EDA: variants seen among roughly 807,000 people sequenced by gnomAD.
The protein encoded by EDA is ectodysplasin A, also known as ectodysplasin-A.
EDA carries 2 observed loss-of-function variants against 23.6 expected under a neutral mutation model. The ratio of observed to expected loss-of-function variants is 0.08; its 90% CI spans 0.03 to 0.27. EDA has a LOEUF of 0.27. EDA is among the 10% of genes least tolerant of loss of function. The pLI is 1.00. For missense variants in EDA, 229 were observed against 324.2 expected, an observed-to-expected ratio of 0.71 and a Z score of 2.26; for synonymous variants, 131 against 132.0, an observed-to-expected ratio of 0.99 and a Z score of 0.05.
chrX:69,730,340 G>A (rs1187744418), intron 1 of EDA, among the ~76,000 whole-genome samples: 1 of 101,178 alleles, frequency 9.9e-6, no homozygotes, highest in African/African-American at 3.6e-5. Flanking sequence ...ACCTTGACAA[G>A]GCTTCTCAAA....
chrX:69,972,127 A>G (rs1169859320), intron 2 of EDA, among the ~76,000 whole-genome samples: 1 of 111,817 alleles, frequency 8.9e-6, no homozygotes, highest in Non-Finnish European at 1.9e-5. Context: ...TCAAAGGGCT[A>G]TACTGTGTAA....
At position 69,825,874 on chromosome X, in the gene EDA, A is replaced by G. The variant is rs777502153; in HGVS notation, c.397-131153A>G. On this transcript the variant is annotated intron_variant, in intron 1 of 7. Transcript: ENST00000374552. Reference sequence around the variant, plus strand: ...TCCCTCTACACACTGCTATGAATGCATCCCAGAGATTCTGGTATGTTGTGT... The same window carrying G: ...TCCCTCTACACACTGCTATGAATGCGTCCCAGAGATTCTGGTATGTTGTGT... Among the ~76,000 whole-genome samples the G allele has an allele frequency of 3.6e-5, 4 of 109,805 alleles. No homozygotes were observed. The East Asian group carries it at 8.6e-4, about 23-fold the overall frequency.
At chrX:69,956,342 CT>C (rs200365541) in intron 1 of EDA, among the ~76,000 whole-genome samples, 6,824 of 73,684 alleles carry the variant, frequency 0.093, 369 homozygotes, top group Non-Finnish European at 0.13. Context: ...TTTCTTTCTT[CT>C]TTTTTTTTTT....
At chrX:69,672,042 ATATT>A (rs1430047733) in intron 1 of EDA, among the ~76,000 whole-genome samples, 1 of 112,072 alleles carries the variant, frequency 8.9e-6, no homozygotes, top group East Asian at 2.8e-4. Context: ...AACTCAGTAA[ATATT>A]TATTTATTGA....
chrX:69,695,572 C>T (rs1171588760), intron 1 of EDA, among the ~76,000 whole-genome samples: 3 of 99,683 alleles, frequency 3.0e-5, no homozygotes, highest in Non-Finnish European at 6.1e-5. Context: ...TGCAGTGGCA[C>T]GATCTCGGCT....
chrX:69,807,764 A>G (rs2015848726), intron 1 of EDA, among the ~76,000 whole-genome samples: 2 of 110,589 alleles, frequency 1.8e-5, no homozygotes, highest in Admixed American at 9.7e-5. Flanking sequence ...GTGTCCACCC[A>G]TCTGATCGCT....
chrX:69,893,535 A>G (rs2017964464), intron 1 of EDA, among the ~76,000 whole-genome samples: 1 of 112,119 alleles, frequency 8.9e-6, no homozygotes, highest in Admixed American at 9.5e-5. Context: ...CTAACTCCCA[A>G]ATGAGTTTCC....
intron 1 of EDA, among the ~76,000 whole-genome samples, chrX:69,785,671 G>T (rs1004767863): frequency 9.2e-6 from 1 of 109,114 alleles, no homozygotes; most frequent in African/African-American, 3.3e-5. Flanking sequence ...TAAGCTTTTT[G>T]ATGTGCTGCT....
intron 1 of EDA, among the ~76,000 whole-genome samples, chrX:69,941,307 G>A (rs2147688752): frequency 9.0e-6 from 1 of 111,706 alleles, no homozygotes; most frequent in African/African-American, 3.2e-5. Context: ...TGCAGATTAA[G>A]TCTGATGCTT....
At chrX:69,760,135 T>C (rs1466837891) in intron 1 of EDA, among the ~76,000 whole-genome samples, 1 of 101,581 alleles carries the variant, frequency 9.8e-6, no homozygotes, top group Non-Finnish European at 2.0e-5. Flanking sequence ...TCCAGTAAGA[T>C]TCTGTATGTG....
At chrX:69,661,166 A>G (rs1485936895) in intron 1 of EDA, among the ~76,000 whole-genome samples, 5 of 108,357 alleles carry the variant, frequency 4.6e-5, no homozygotes, top group East Asian at 2.9e-4. Flanking sequence ...GTCTGTTCAT[A>G]TCCTTTGCCC....
chrX:69,942,290 G>A (rs1448754102), intron 1 of EDA, among the ~76,000 whole-genome samples: 1 of 110,986 alleles, frequency 9.0e-6, no homozygotes, highest in East Asian at 2.8e-4. Flanking sequence ...AGTGAGTTTC[G>A]TATGTGCAGG....
chrX:69,817,850 A>C (rs1240500031), intron 1 of EDA, among the ~76,000 whole-genome samples: 1 of 111,864 alleles, frequency 8.9e-6, no homozygotes, highest in Non-Finnish European at 1.9e-5. Flanking sequence ...CAGGACCTGA[A>C]AGTCAGCTCT....
At chrX:69,659,749 C>A (rs1933426573) in intron 1 of EDA, among the ~76,000 whole-genome samples, 1 of 111,200 alleles carries the variant, frequency 9.0e-6, no homozygotes, top group African/African-American at 3.3e-5. Flanking sequence ...TACAAAAATT[C>A]TTGTGGTGTT....
chrX:69,954,478 A>T (rs186247236), intron 1 of EDA, among the ~76,000 whole-genome samples: 24 of 111,788 alleles, frequency 2.1e-4, no homozygotes, highest in Admixed American at 2.1e-3. Context: ...TGTAATAATT[A>T]AAAAACCCTC....
chrX:69,695,334 G>T (rs1244234346), intron 1 of EDA, among the ~76,000 whole-genome samples: 2 of 108,733 alleles, frequency 1.8e-5, no homozygotes, highest in Non-Finnish European at 3.8e-5. Context: ...GAGAAAGAAG[G>T]AAAATATATA....
rs1392851142 is a variant in EDA at position 69,627,288 on chromosome X, C to A, written c.396+10584C>A. 1.5e-4 allele frequency among the ~76,000 whole-genome samples: 17 copies of A among 111,559 alleles called. No individual in the cohort carries two copies. The Admixed American group carries it at 1.6e-3, about 11-fold the overall frequency. On this transcript the variant is annotated intron_variant, in intron 1 of 7. Coordinates refer to ENST00000374552, the MANE Select transcript of EDA (RefSeq NM_001399.5). ...TCCCTTTTTTCCTCTCTACATCCCT[C>A]TCCCTTTCTGCCTCCCTGCCTCTCT...
At chrX:69,832,638 C>T (rs2016645762) in intron 1 of EDA, among the ~76,000 whole-genome samples, 1 of 111,573 alleles carries the variant, frequency 9.0e-6, no homozygotes, top group Admixed American at 9.5e-5. Context: ...GAAGTATGGC[C>T]ATTTTCACAA....
At chrX:69,732,725 A>G (rs773430048) in intron 1 of EDA, among the ~76,000 whole-genome samples, 2 of 111,816 alleles carry the variant, frequency 1.8e-5, no homozygotes, top group East Asian at 5.6e-4. Flanking sequence ...AACAGTGTAA[A>G]AGTGTTCCTA....
Sources: gnomAD v4.1 joint callset for allele counts (sites outside exome capture counted in the v4.1 genomes callset) on GRCh38, gnomAD v4.1.1 for gene constraint, MANE v1.5 for transcripts, NCBI Gene and HGNC (gene_info 2026-07-23, HGNC 2026-07-21) for gene names.